Variants in PDZD11 observed in about 807,000 individuals in gnomAD.
PDZD11 encodes the protein PDZ domain containing 11.
In PDZD11, 2 loss-of-function variants were observed where a neutral mutation model predicts 13.7. The ratio of observed to expected loss-of-function variants is 0.15; its 90% confidence interval spans 0.06 to 0.46. PDZD11 has a LOEUF of 0.46. PDZD11 is among the 20% of genes least tolerant of loss of function. PDZD11 has a pLI of 0.98. For synonymous variants in PDZD11, 32 were observed against 37.5 expected, an observed-to-expected ratio of 0.85 and a Z score of 0.54; for missense variants, 44 against 111.7, an observed-to-expected ratio of 0.39 and a Z score of 2.73.
chrX:70,289,345 G>C lies in PDZD11; in HGVS notation c.-4C>G. ...CATAAGGAATCCGGCTGTCCATCTC[G>C]GGCAAGGCCCTGGAAGAGTGAATCA... On this transcript the variant is annotated 5_prime_UTR_variant, in exon 2 of 7. Transcript: ENST00000239666. 3.3e-6 allele frequency: 4 copies of C among 1,206,271 alleles called. No individual in the cohort carries two copies. The highest frequency in any genetic ancestry group is 1.7e-5 in the African/African-American group (1 of 57,699).
chrX:70,286,893 G>A lies in PDZD11; in HGVS notation c.*189C>T. 2.2e-6 allele frequency: 1 copy of A among 451,125 alleles called. No homozygotes were observed. The allele number at this position is 451,125 out of a possible 1,213,427, so 37.2% of individuals were successfully genotyped here. A position where few individuals can be genotyped will look rare whatever the true frequency, so the allele number is the denominator to read the frequency against. ...TAGATATCATCATCCTCCTTTCAGG[G>A]AATGAAGCTCACCTAGAAAACTAGG... is the stretch of plus-strand genomic sequence containing the variant. On this transcript the variant is annotated 3_prime_UTR_variant, in exon 7 of 7. Coordinates refer to ENST00000239666, the MANE Select transcript of PDZD11 (RefSeq NM_016484.5).
Position 70,286,919 on chromosome X carries a change from G to T in PDZD11, c.*163C>A, listed in dbSNP as rs190119535. ...AATGAAGCTCACCTAGAAAACTAGG[G>T]AACTAAAAGTGCAATATGGTTTGGG... is the stretch of plus-strand genomic sequence containing the variant. On this transcript the variant is annotated 3_prime_UTR_variant, in exon 7 of 7. Coordinates refer to ENST00000239666, the MANE Select transcript of PDZD11 (RefSeq NM_016484.5). The T allele has an allele frequency of 2.2e-6, 1 of 464,134 alleles. No homozygotes were observed. The highest frequency in any genetic ancestry group is 3.7e-5 in the East Asian group (1 of 27,029). The allele number at this position is 464,134 out of a possible 1,213,427, so 38.2% of individuals were successfully genotyped here.
chrX:70,289,587 C>T, intron 1 of PDZD11: 1 of 411,838 alleles, frequency 2.4e-6, no homozygotes, highest in Non-Finnish European at 4.1e-6. Flanking sequence ...CCTCATTTTT[C>T]ACAATCCTGC....
intron 3 of PDZD11, 34 bp from the exon 4 acceptor site, chrX:70,288,207 G>A (rs1248932382): frequency 5.3e-6 from 6 of 1,135,330 alleles, no homozygotes; most frequent in South Asian, 1.8e-5. Context: ...GGGGCTCAAT[G>A]GAGACCACAA....
At chrX:70,287,696 C>T in intron 5 of PDZD11, 36 bp downstream of exon 5, 2 of 1,040,996 alleles carry the variant, frequency 1.9e-6, no homozygotes, top group South Asian at 1.9e-5. Flanking sequence ...TTTGAGATGG[C>T]TTCTTGCAGC....
chrX:70,286,814 CA>C lies in PDZD11; in HGVS notation c.*267del, dbSNP rs1447940895. 2.6e-6 allele frequency: 1 copy of C among 378,500 alleles called. No individual in the cohort carries two copies. The highest frequency in any genetic ancestry group is 4.6e-6 in the Non-Finnish European group (1 of 217,761). 31.2% of individuals were successfully genotyped at this position (378,500 alleles called of 1,213,427 possible). On this transcript the variant is annotated 3_prime_UTR_variant, in exon 7 of 7. Coordinates refer to ENST00000239666, the MANE Select transcript of PDZD11 (RefSeq NM_016484.5). ...ATGTAAGGGACTAGTGCATGATATT[CA>C]ATAAATGTCAGTTGTCTTTCCTAAC...
chrX:70,289,103 G>A, intron 2 of PDZD11, 152 bp downstream of exon 2: 1 of 481,863 alleles, frequency 2.1e-6, no homozygotes, highest in Non-Finnish European at 3.6e-6. Context: ...AATGGGTCCT[G>A]TTGCTCAGAA....
chrX:70,288,924 G>A (rs1219632872), intron 2 of PDZD11, among the ~76,000 whole-genome samples: 2 of 111,111 alleles, frequency 1.8e-5, no homozygotes, highest in African/African-American at 3.3e-5. Context: ...GGCTGGTCTC[G>A]AACTCCCAAC....
chrX:70,288,288 T>C, intron 3 of PDZD11, 115 bp from the exon 4 acceptor site: 6 of 845,131 alleles, frequency 7.1e-6, no homozygotes, highest in Non-Finnish European at 1.0e-5. Context: ...AAGTCAGAAG[T>C]TGCAGAAGTG....
In PDZD11 at chrX:70,287,774, T is replaced by C. The variant is rs2085728542; in HGVS notation, c.285A>G (p.Leu95=). The change falls in exon 5 of 7, where the codon CTA becomes CTG. Residue 95 remains leucine, a synonymous_variant. Coordinates refer to ENST00000239666, the MANE Select transcript of PDZD11 (RefSeq NM_016484.5). ...CTTGGAAATCCACATCATTCACAGC[T>C]AGAACTTGGTCCCCTTCCTGCAGTC... is the stretch of plus-strand genomic sequence containing the variant. ...RAGLQEGDQV[L]AVNDVDFQDI... is the part of the protein sequence containing the mutation. 8.3e-7 allele frequency: 1 copy of C among 1,208,526 alleles called. No homozygotes were observed. Among genetic ancestry groups the C allele is most frequent in the Non-Finnish European group, 1.1e-6 (1 of 893,663 alleles).
At chrX:70,289,461 C>G in intron 1 of PDZD11, 107 bp from the exon 2 acceptor site, 2 of 1,130,343 alleles carry the variant, frequency 1.8e-6, no homozygotes, top group Non-Finnish European at 2.4e-6. Flanking sequence ...GTCTACAGGC[C>G]CAGCCCATAT....
rs67327803 is a variant in PDZD11, at chrX:70,288,705, C to CTTTT, written c.88-196_88-193dup. On this transcript the variant is annotated intron_variant, in intron 2 of 6. Coordinates refer to ENST00000239666, the MANE Select transcript of PDZD11 (RefSeq NM_016484.5). ...GCCCAGTAGCTCCCCATTTCTTCACCTTTTTTTTTTTTTTTTGAGATGGAG... is the reference window on the plus strand; with the variant it reads ...GCCCAGTAGCTCCCCATTTCTTCACCTTTTTTTTTTTTTTTTTTTTGAGATGGAG... 5.4e-5 allele frequency among the ~76,000 whole-genome samples: 5 copies of CTTTT among 92,787 alleles called. No homozygotes were observed. The East Asian group carries it at 1.7e-3, about 31-fold the overall frequency. The allele number at this position is 92,787 out of a possible 115,157, so 80.6% of individuals were successfully genotyped here. A position where few individuals can be genotyped will look rare whatever the true frequency, so the allele number is the denominator to read the frequency against.
intron 2 of PDZD11, among the ~76,000 whole-genome samples, 192 bp from the exon 3 acceptor site, chrX:70,288,705 CTTTTT>C (rs67327803): frequency 1.1e-5 from 1 of 92,788 alleles, no homozygotes; most frequent in African/African-American, 4.0e-5. Context: ...ATTTCTTCAC[CTTTTT>C]TTTTTTTTTT....
chrX:70,287,940 G>T, intron 4 of PDZD11, 110 bp from the exon 5 acceptor site: 1 of 742,130 alleles, frequency 1.3e-6, no homozygotes, highest in Non-Finnish European at 2.1e-6. Context: ...CTGTGACAAT[G>T]TATGCAGACA....
Position 70,286,955 on chromosome X carries a change from G to A in PDZD11, c.*127C>T, listed in dbSNP as rs1214249507. 2 of 558,319 alleles carry A rather than the reference G, an allele frequency of 3.6e-6. No homozygotes were observed. Among genetic ancestry groups the A allele is most frequent in the Non-Finnish European group, 5.9e-6 (2 of 336,836 alleles). 46.0% of individuals were successfully genotyped at this position (558,319 alleles called of 1,213,427 possible). On this transcript the variant is annotated 3_prime_UTR_variant, in exon 7 of 7. Coordinates refer to ENST00000239666, the MANE Select transcript of PDZD11 (RefSeq NM_016484.5). ...GCAATATGGTTTGGGTAATGCAGTT[G>A]GTTAGCTGTCTCCCCATCCTCCCAA...
At chrX:70,288,377 G>T in intron 3 of PDZD11, 53 bp downstream of exon 3, 1 of 1,083,583 alleles carries the variant, frequency 9.2e-7, no homozygotes, top group Non-Finnish European at 1.3e-6. Context: ...CCCCAACACT[G>T]CCAATTTGTG....
At chrX:70,289,406 C>G in intron 1 of PDZD11, 52 bp from the exon 2 acceptor site, 1 of 1,173,820 alleles carries the variant, frequency 8.5e-7, no homozygotes, top group Non-Finnish European at 1.1e-6. Context: ...GGAGAGCAGC[C>G]CAGCAAGTTT....
chrX:70,286,810 T>C lies in PDZD11; in HGVS notation c.*272A>G. ...ACATATGTAAGGGACTAGTGCATGA[T>C]ATTCAATAAATGTCAGTTGTCTTTC... On this transcript the variant is annotated 3_prime_UTR_variant, in exon 7 of 7. Transcript: ENST00000239666. 1 of 379,013 alleles carries C rather than the reference T, an allele frequency of 2.6e-6. No homozygotes were observed. Among genetic ancestry groups the C allele is most frequent in the South Asian group, 5.2e-5 (1 of 19,275 alleles). 31.2% of individuals were successfully genotyped at this position (379,013 alleles called of 1,213,427 possible). A position where few individuals can be genotyped will look rare whatever the true frequency, so the allele number is the denominator to read the frequency against.
intron 5 of PDZD11, 39 bp downstream of exon 5, chrX:70,287,693 T>C (rs1390990998): frequency 9.8e-7 from 1 of 1,016,852 alleles, no homozygotes; most frequent in Non-Finnish European, 1.4e-6. Context: ...CTATTTGAGA[T>C]GGCTTCTTGC....
Sources: gnomAD v4.1 joint callset for allele counts (sites outside exome capture counted in the v4.1 genomes callset) on GRCh38, gnomAD v4.1.1 for gene constraint, MANE v1.5 for transcripts, NCBI Gene and HGNC (gene_info 2026-07-23, HGNC 2026-07-21) for gene names.